The following GAPVD1 variants were observed in gnomAD, a reference collection of about 807,000 sequenced individuals.
GAPVD1 encodes the protein GTPase activating protein and VPS9 domains 1.
Under a neutral mutation model 155.5 loss-of-function variants are expected in GAPVD1, and 35 were observed. That is an observed-to-expected ratio of 0.23 (90% CI 0.17 to 0.30). GAPVD1 has a LOEUF of 0.30. Among genes scored for constraint, GAPVD1 ranks in the 10% least tolerant of loss-of-function variants. The pLI, the probability that GAPVD1 is intolerant of heterozygous loss-of-function variation, is 1.00. For synonymous variants in GAPVD1, 636 were observed against 619.7 expected (o/e 1.03, Z -0.39); for missense variants, 1,429 against 1,775.7 (o/e 0.80, Z 3.51).
At chr9:125,346,735 G>T in intron 19 of GAPVD1, 84 bp from the exon 20 acceptor site, 1 of 1,062,060 alleles carries the variant, frequency 9.4e-7, no homozygotes, top group South Asian at 1.3e-5. Flanking sequence ...ATCTGCCTTT[G>T]GGATTATGCT....
intron 2 of GAPVD1, among the ~76,000 whole-genome samples, chr9:125,295,113 G>A (rs547216350): frequency 6.6e-6 from 1 of 151,610 alleles, no homozygotes; most frequent in Non-Finnish European, 1.5e-5. Flanking sequence ...GGTTGTAAGA[G>A]TTCAATTAGG....
chr9:125,281,628 A>G (rs1363586293), intron 2 of GAPVD1, among the ~76,000 whole-genome samples: 2 of 152,218 alleles, frequency 1.3e-5, no homozygotes, highest in Non-Finnish European at 2.9e-5. Flanking sequence ...TCATTAAATA[A>G]GGTTCATACT....
In GAPVD1 at chr9:125,321,457, G is replaced by A. The variant is rs1164028817; in HGVS notation, c.1627G>A (p.Gly543Arg). The A allele has an allele frequency of 2.5e-6, 4 of 1,611,828 alleles. No homozygotes were observed. In the Admixed American group the frequency reaches 5.0e-5, roughly 20 times the overall value. The change falls in exon 10 of 28, where the codon GGA (glycine) becomes AGA (arginine). Residue 543 changes from glycine to arginine, a missense_variant. By Grantham distance (125) the Gly-to-Arg change is moderately radical. Around this residue, in one of 4 missense-constraint regions of GAPVD1, gnomAD observed 628 missense variants for 733.4 expected, o/e 0.86. Transcript: ENST00000297933. ...NEVLNMQLSD[G>R]GQGDVPVDEN... The stretch of plus-strand genomic sequence containing the variant: ...GGTCCTAAACATGCAGCTTTCGGAT[G>A]GAGGACAAGGAGATGTCCCTGTTGA...
At chr9:125,280,396 C>CT (rs1836585881) in intron 2 of GAPVD1, among the ~76,000 whole-genome samples, 5 of 57,336 alleles carry the variant, frequency 8.7e-5, no homozygotes, top group Non-Finnish European at 1.3e-4. Flanking sequence ...AAGTCCATCT[C>CT]AAAAAAAAAA....
intron 1 of GAPVD1, among the ~76,000 whole-genome samples, chr9:125,264,523 A>G (rs912680642): frequency 1.3e-5 from 2 of 152,002 alleles, no homozygotes; most frequent in Non-Finnish European, 1.5e-5. Context: ...AGAATAGACC[A>G]TAGATATTTC....
At chr9:125,348,336 A>G (rs1016685383) in intron 20 of GAPVD1, among the ~76,000 whole-genome samples, 2 of 152,084 alleles carry the variant, frequency 1.3e-5, no homozygotes, top group African/African-American at 4.8e-5. Flanking sequence ...ATATTTTCAT[A>G]TATGAACACA....
intron 2 of GAPVD1, among the ~76,000 whole-genome samples, chr9:125,289,894 A>C (rs1051242161): frequency 9.2e-5 from 14 of 152,190 alleles, no homozygotes; most frequent in African/African-American, 3.1e-4. Context: ...CAGTGTTTCA[A>C]AATCAGGGAG....
chr9:125,323,067 AAAG>A (rs768869981), intron 10 of GAPVD1, among the ~76,000 whole-genome samples: 27 of 151,390 alleles, frequency 1.8e-4, no homozygotes, highest in South Asian at 6.3e-4. Context: ...AAAAAAAAAA[AAAG>A]AAGAAAAAGC....
intron 9 of GAPVD1, among the ~76,000 whole-genome samples, chr9:125,313,648 C>G (rs1161671878): frequency 6.6e-6 from 1 of 152,096 alleles, no homozygotes; most frequent in African/African-American, 2.4e-5. Flanking sequence ...TGTTGCACAG[C>G]TGGAGTGCAA....
intron 9 of GAPVD1, among the ~76,000 whole-genome samples, chr9:125,313,775 A>G (rs1231021800): frequency 1.3e-5 from 2 of 152,102 alleles, no homozygotes; most frequent in Non-Finnish European, 2.9e-5. Flanking sequence ...CTAACTTTGT[A>G]TTTTTAGTAG....
intron 2 of GAPVD1, among the ~76,000 whole-genome samples, chr9:125,291,502 G>A (rs1263931066): frequency 1.3e-5 from 2 of 152,160 alleles, no homozygotes; most frequent in Non-Finnish European, 2.9e-5. Context: ...GCAGGTGAAG[G>A]TTAGTTAAAA....
At chr9:125,270,232 C>T (rs1834668728) in intron 2 of GAPVD1, among the ~76,000 whole-genome samples, 1 of 151,622 alleles carries the variant, frequency 6.6e-6, no homozygotes, top group African/African-American at 2.4e-5. Flanking sequence ...AGTTTGAGTC[C>T]AGCCTGGCCA....
chr9:125,306,794 C>T (rs1392658377), intron 6 of GAPVD1, among the ~76,000 whole-genome samples: 1 of 152,192 alleles, frequency 6.6e-6, no homozygotes, highest in African/African-American at 2.4e-5. Flanking sequence ...CACCCAGCTC[C>T]AAGATCTTAG....
chr9:125,354,731 T>A lies in GAPVD1; in HGVS notation c.3647T>A (p.Leu1216Gln). The change falls in exon 24 of 28, where the codon CTA becomes CAA. Residue 1216 changes from leucine (L) to glutamine (Q), a missense_variant. Physicochemically the swap from Leu to Gln is moderately radical, Grantham distance 113 (BLOSUM62 -2). Transcript: ENST00000297933. ...ACCACACAGGCTCACCTGGAAAGGC[T>A]ATTGCAAAGAGTTTTGCGGGACAAA... is the stretch of plus-strand genomic sequence containing the variant. ...LQTTQAHLERLLQRVLRDKEV... is the reference protein window; with the variant it reads ...LQTTQAHLERQLQRVLRDKEV... 1 of 1,613,462 alleles carries A rather than the reference T, an allele frequency of 6.2e-7. No individual in the cohort carries two copies. Among genetic ancestry groups the A allele is most frequent in the Non-Finnish European group, 8.5e-7 (1 of 1,179,352 alleles).
chr9:125,273,806 T>C (rs1835291383), intron 2 of GAPVD1, among the ~76,000 whole-genome samples: 1 of 152,112 alleles, frequency 6.6e-6, no homozygotes, highest in East Asian at 1.9e-4. Flanking sequence ...TGCAACAAGC[T>C]AGTGGTTTTC....
chr9:125,297,888 G>C (rs985384252), intron 3 of GAPVD1, among the ~76,000 whole-genome samples: 1 of 152,084 alleles, frequency 6.6e-6, no homozygotes, highest in African/African-American at 2.4e-5. Flanking sequence ...TAGGACTACA[G>C]GTGTACACCA....
intron 12 of GAPVD1, among the ~76,000 whole-genome samples, chr9:125,329,725 G>C (rs1288547417): frequency 6.6e-6 from 1 of 151,828 alleles, no homozygotes. Flanking sequence ...CAGGTTGGAG[G>C]GCAATGGCAT....
intron 11 of GAPVD1, among the ~76,000 whole-genome samples, chr9:125,325,271 C>G (rs1844955482): frequency 6.7e-6 from 1 of 150,182 alleles, no homozygotes; most frequent in Non-Finnish European, 1.5e-5. Context: ...CCTGTAATCC[C>G]TAGCACTTTG....
intron 2 of GAPVD1, among the ~76,000 whole-genome samples, chr9:125,285,453 G>GTTTTTTTTTT (rs10659223): frequency 4.2e-5 from 4 of 94,686 alleles, no homozygotes; most frequent in East Asian, 3.2e-4. Context: ...TTTTTTCTTT[G>GTTTTTTTTTT]TTTTTTTTTT....
Sources: allele counts gnomAD v4.1 joint callset (sites outside exome capture counted in the v4.1 genomes callset), GRCh38; gene constraint gnomAD v4.1.1; regional missense constraint gnomAD v4.1.1; transcripts MANE v1.5; gene names NCBI Gene and HGNC (gene_info 2026-07-23, HGNC 2026-07-21).